RBBP6: variants seen among roughly 807,000 people sequenced by gnomAD.
The protein encoded by RBBP6 is E3 ubiquitin-protein ligase RBBP6.
In RBBP6, 25 loss-of-function variants were observed where a neutral mutation model predicts 167.7. The ratio of observed to expected loss-of-function variants is 0.15; its 90% CI spans 0.11 to 0.21. The LOEUF (loss-of-function observed/expected upper bound fraction) is 0.21. RBBP6 is among the 10% of genes least tolerant of loss of function. The probability of loss-of-function intolerance (pLI) is 1.00; values close to 1 mark genes in which losing one functional copy is unlikely to be tolerated. For synonymous variants in RBBP6, 789 were observed against 735.8 expected (o/e 1.07, Z -1.17); for missense variants, 1,868 against 2,134.2 (o/e 0.88, Z 2.46).
At chr16:24,567,936 C>T in intron 16 of RBBP6, 43 bp downstream of exon 16, 1 of 1,485,306 alleles carries the variant, frequency 6.7e-7, no homozygotes, top group Non-Finnish European at 9.4e-7. Flanking sequence ...ACAAACGGGA[C>T]TTTGAATATC....
At chr16:24,558,540 C>CA (rs1898972815) in intron 7 of RBBP6, 1 of 930,642 alleles carries the variant, frequency 1.1e-6, no homozygotes, top group African/African-American at 1.8e-5. Context: ...CTAAGGTACC[C>CA]TACTCTGTAC....
At chr16:24,559,836 C>A in intron 8 of RBBP6, 159 bp downstream of exon 8, 1 of 568,398 alleles carries the variant, frequency 1.8e-6, no homozygotes, top group Non-Finnish European at 2.7e-6. Context: ...GTTTTTCTTG[C>A]TGTATCTTTT....
chr16:24,543,331 T>G (rs1898552020), intron 1 of RBBP6, among the ~76,000 whole-genome samples: 2 of 148,080 alleles, frequency 1.4e-5, no homozygotes, highest in African/African-American at 5.0e-5. Flanking sequence ...CCTCACAGGC[T>G]AGAGTATAAT....
At chr16:24,543,292 CTTTTT>C (rs200408370) in intron 1 of RBBP6, among the ~76,000 whole-genome samples, 12 of 126,178 alleles carry the variant, frequency 9.5e-5, no homozygotes, top group Non-Finnish European at 1.7e-4. Flanking sequence ...TCCCTTAAAT[CTTTTT>C]TTTTTTTTTT....
At position 24,563,525 on chromosome 16, in the gene RBBP6, G is replaced by C. The variant is rs140783176; in HGVS notation, c.1465+24G>C. 81 of 1,612,076 alleles carry C rather than the reference G, an allele frequency of 5.0e-5. No individual in the cohort carries two copies. The African/African-American group carries it at 1.0e-3, about 20-fold the overall frequency. The stretch of plus-strand genomic sequence containing the variant: ...TGGTGAGTAAGATCACTTTGGTTTA[G>C]ACCTTTTTCCCTTTAAAAAATAATT... On this transcript the variant is annotated intron_variant, in intron 12 of 17. Transcript: ENST00000319715.
At chr16:24,551,834 T>G (rs1898803777) in intron 3 of RBBP6, among the ~76,000 whole-genome samples, 1 of 151,816 alleles carries the variant, frequency 6.6e-6, no homozygotes, top group South Asian at 2.1e-4. Context: ...GTAGTATAGA[T>G]GATGGTTGAC....
intron 7 of RBBP6, among the ~76,000 whole-genome samples, chr16:24,558,829 C>T (rs1000811883): frequency 1.3e-5 from 2 of 152,158 alleles, no homozygotes; most frequent in Non-Finnish European, 2.9e-5. Flanking sequence ...CGATTTTGAT[C>T]ATTTAAGTCA....
At position 24,556,394 on chromosome 16, in the gene RBBP6, G is replaced by A; in HGVS notation, c.621G>A (p.Met207Ile). Residue 207 changes from methionine to isoleucine, a missense_variant, in exon 7 of 18, where the codon ATG becomes ATA. Met to Ile is a conservative substitution (Grantham distance 10, BLOSUM62 1). Around this residue, in one of 7 missense-constraint regions of RBBP6, gnomAD observed 184 missense variants for 327.7 expected, o/e 0.56. Transcript: ENST00000319715. ...SFMMEVKDPNMKGAMLTNTGK... is the reference protein window; with the variant it reads ...SFMMEVKDPNIKGAMLTNTGK... ...TGATGGAAGTGAAAGATCCTAATAT[G>A]AAAGGTGCAATGCTTACCAACACTG... 1 of 1,605,948 alleles carries A rather than the reference G, an allele frequency of 6.2e-7. No individual in the cohort carries two copies. Among genetic ancestry groups the A allele is most frequent in the African/African-American group, 1.3e-5 (1 of 74,864 alleles).
intron 4 of RBBP6, chr16:24,555,136 C>T (rs994659926): frequency 6.5e-6 from 1 of 152,794 alleles, no homozygotes; most frequent in Non-Finnish European, 1.5e-5. Context: ...ATGCTCAATG[C>T]ACATCTTTTG....
Position 24,546,281 on chromosome 16 carries a change from G to C in RBBP6, c.266+19G>C, listed in dbSNP as rs1898648142. The C allele has an allele frequency of 1.3e-6, 2 of 1,528,830 alleles. No homozygotes were observed. The highest frequency in any genetic ancestry group is 2.4e-5 in the East Asian group (1 of 41,942). 94.7% of individuals were successfully genotyped at this position (1,528,830 alleles called of 1,614,324 possible). ...ATGTTATGTAAGTATCAAATCTCAT[G>C]TATTTCTCAAAATAGACTTTTTTTA... On this transcript the variant is annotated intron_variant, in intron 2 of 17. Coordinates refer to ENST00000319715, the MANE Select transcript of RBBP6 (RefSeq NM_006910.5).
intron 1 of RBBP6, among the ~76,000 whole-genome samples, chr16:24,541,396 TCA>T (rs1237339468): frequency 6.6e-6 from 1 of 152,182 alleles, no homozygotes; most frequent in Non-Finnish European, 1.5e-5. Context: ...TGTTCTGATG[TCA>T]CCGCTCTTGT....
At chr16:24,561,556 G>C in intron 8 of RBBP6, 56 bp from the exon 9 acceptor site, 1 of 1,406,022 alleles carries the variant, frequency 7.1e-7, no homozygotes, top group Non-Finnish European at 9.9e-7. Context: ...AATTCATTTC[G>C]TAAACACTTT....
intron 14 of RBBP6, among the ~76,000 whole-genome samples, chr16:24,566,845 A>G (rs1438501774): frequency 6.6e-6 from 1 of 152,274 alleles, no homozygotes; most frequent in Admixed American, 6.5e-5. Context: ...AGTAACAGGT[A>G]GTAATTAGTG....
At position 24,561,852 on chromosome 16, in the gene RBBP6, G is replaced by C; in HGVS notation, c.980G>C (p.Gly327Ala). ...QAVNNFKNET[G>A]YTKRLRKQLP... ...GTAAATAACTTCAAAAATGAAACTG[G>C]CTATACAAAAAGACTACGAAAACAG... The change falls in exon 10 of 18, where the codon GGC (glycine) becomes GCC (alanine). Residue 327 changes from glycine (G) to alanine (A), a missense_variant. Gly to Ala is a moderately conservative substitution (Grantham distance 60). Transcript: ENST00000319715. 1.9e-6 allele frequency: 3 copies of C among 1,611,820 alleles called. No homozygotes were observed. The South Asian group carries it at 3.3e-5, about 18-fold the overall frequency.
intron 10 of RBBP6, 146 bp from the exon 11 acceptor site, chr16:24,563,053 C>T (rs993814585): frequency 3.0e-5 from 17 of 573,964 alleles, no homozygotes; most frequent in Admixed American, 1.1e-4. Context: ...AAGTTTCAGC[C>T]TTCTCTCACT....
chr16:24,553,789 G>A (rs977237340), intron 4 of RBBP6: 2 of 307,602 alleles, frequency 6.5e-6, no homozygotes, highest in African/African-American at 4.3e-5. Context: ...AACACTTGAA[G>A]CTACACTTAA....
chr16:24,542,265 T>G (rs958479010), intron 1 of RBBP6, among the ~76,000 whole-genome samples: 1 of 152,210 alleles, frequency 6.6e-6, no homozygotes, highest in Non-Finnish European at 1.5e-5. Flanking sequence ...GATGGGTTTA[T>G]AAGAAGTTTG....
chr16:24,572,539 T>G lies in RBBP6; in HGVS notation c.*94T>G. The G allele has an allele frequency of 7.1e-7, 1 of 1,403,064 alleles. No individual in the cohort carries two copies. The highest frequency in any genetic ancestry group is 9.4e-7 in the Non-Finnish European group (1 of 1,068,876). The allele number at this position is 1,403,064 out of a possible 1,614,324, so 86.9% of individuals were successfully genotyped here. On this transcript the variant is annotated 3_prime_UTR_variant, in exon 18 of 18. Coordinates refer to ENST00000319715, the MANE Select transcript of RBBP6 (RefSeq NM_006910.5). ...GATTCAAGCCTTGTAAATAATGACA[T>G]GGAAGACCCTGTGCTGCACTTAAAA...
rs142291166 is a variant in RBBP6 at position 24,561,649 on chromosome 16, A to C, written c.885A>C (p.Thr295=). Residue 295 remains threonine (T), a synonymous_variant, in exon 9 of 18, where the codon ACA becomes ACC. Transcript: ENST00000319715. ...CACTCCTGGAATCAGATGAGCACAC[A>C]TGTCCGACGTGTCATCAAAATGATG... ...RTALLESDEH[T]CPTCHQNDVS... is the part of the protein sequence containing the mutation. 6.2e-7 allele frequency: 1 copy of C among 1,614,156 alleles called. No individual in the cohort carries two copies. The highest frequency in any genetic ancestry group is 1.7e-5 in the Admixed American group (1 of 60,030).
Sources: allele counts gnomAD v4.1 joint callset (sites outside exome capture counted in the v4.1 genomes callset), GRCh38; gene constraint gnomAD v4.1.1; regional missense constraint gnomAD v4.1.1; transcripts MANE v1.5; gene names NCBI Gene and HGNC (gene_info 2026-07-23, HGNC 2026-07-21).